TMEM62: variants seen among roughly 807,000 people sequenced by gnomAD.
TMEM62 encodes transmembrane protein 62.
Under a neutral mutation model 70.4 loss-of-function variants are expected in TMEM62, and 41 were observed. That is an observed-to-expected ratio of 0.58 (90% CI 0.45 to 0.76). The LOEUF is 0.76. Ranked by LOEUF, TMEM62 falls within the 30% of genes least tolerant of loss-of-function variation. The probability of loss-of-function intolerance (pLI) is 0.00; values close to 1 mark genes in which losing one functional copy is unlikely to be tolerated. For missense variants in TMEM62, 688 were observed against 788.5 expected (o/e 0.87, Z 1.53); for synonymous variants, 268 against 291.0 (o/e 0.92, Z 0.80).
At chr15:43,137,770 C>CCTTG in intron 3 of TMEM62, among the ~76,000 whole-genome samples, 1 of 152,366 alleles carries the variant, frequency 6.6e-6, no homozygotes, top group African/African-American at 2.4e-5. Flanking sequence ...TTGGCACAGG[C>CCTTG]CTTGCCATTG....
At position 43,137,312 on chromosome 15, in the gene TMEM62, G is replaced by A. The variant is rs190166306; in HGVS notation, c.431-1262G>A. The stretch of plus-strand genomic sequence containing the variant: ...TTAGAATCACATGATTAAGACAAGA[G>A]CAACTACAGTTCAATCTTATAATTT... On this transcript the variant is annotated intron_variant, in intron 3 of 13. Transcript: ENST00000260403. Among the ~76,000 whole-genome samples the A allele has an allele frequency of 3.9e-5, 6 of 152,304 alleles. No homozygotes were observed. The East Asian group carries it at 5.8e-4, about 15-fold the overall frequency.
At chr15:43,148,264 G>A (rs775534174) in intron 5 of TMEM62, among the ~76,000 whole-genome samples, 2 of 152,138 alleles carry the variant, frequency 1.3e-5, no homozygotes, top group African/African-American at 2.4e-5. Flanking sequence ...AGATCCATCC[G>A]TATGATTGTG....
At chr15:43,168,887 G>T (rs2039891684) in intron 10 of TMEM62, 1 of 152,336 alleles carries the variant, frequency 6.6e-6, no homozygotes, top group South Asian at 2.1e-4. Flanking sequence ...CTGGAACTCA[G>T]GTTCCTACCA....
At chr15:43,173,082 G>A (rs1048839397) in intron 11 of TMEM62, among the ~76,000 whole-genome samples, 1 of 152,134 alleles carries the variant, frequency 6.6e-6, no homozygotes, top group Non-Finnish European at 1.5e-5. Flanking sequence ...ACAAAAAATA[G>A]CCGGGTGTGG....
chr15:43,150,149 A>G (rs1157354937), intron 7 of TMEM62, among the ~76,000 whole-genome samples: 1 of 152,230 alleles, frequency 6.6e-6, no homozygotes, highest in African/African-American at 2.4e-5. Context: ...TTAATTAAAA[A>G]GGAACTTTAC....
intron 11 of TMEM62, among the ~76,000 whole-genome samples, chr15:43,176,297 T>G (rs1288625791): frequency 6.6e-6 from 1 of 152,174 alleles, no homozygotes; most frequent in East Asian, 1.9e-4. Flanking sequence ...TCTGAAGACT[T>G]AAATGTCCCT....
intron 3 of TMEM62, among the ~76,000 whole-genome samples, chr15:43,136,962 A>C (rs984122058): frequency 6.6e-6 from 1 of 152,034 alleles, no homozygotes; most frequent in Non-Finnish European, 1.5e-5. Context: ...TATGTTGCTT[A>C]GGCTGATCTC....
In TMEM62 at chr15:43,151,956, AT is replaced by A; in HGVS notation, c.1022+17del. On this transcript the variant is annotated intron_variant, in intron 8 of 13. Transcript: ENST00000260403. ...CTCAACACACATCAGGTATGTAGCAATTTTTTAGAATTTACTTTCAGTTTGA... is the reference window on the plus strand; with the variant it reads ...CTCAACACACATCAGGTATGTAGCAATTTTTAGAATTTACTTTCAGTTTGA... 6.3e-7 allele frequency: 1 copy of A among 1,576,824 alleles called. No homozygotes were observed. The highest frequency in any genetic ancestry group is 1.9e-5 in the Admixed American group (1 of 53,146).
intron 12 of TMEM62, chr15:43,180,895 T>G (rs999429670): frequency 4.2e-6 from 1 of 240,618 alleles, no homozygotes; most frequent in Non-Finnish European, 8.0e-6. Context: ...TGCAATGGAA[T>G]TTTCAAAAAT....
chr15:43,177,642 A>C (rs2040892192), intron 11 of TMEM62, among the ~76,000 whole-genome samples: 1 of 152,154 alleles, frequency 6.6e-6, no homozygotes, highest in South Asian at 2.1e-4. Context: ...AAAATGTGGC[A>C]CATATACACC....
chr15:43,162,340 T>C (rs2038819393), intron 10 of TMEM62, among the ~76,000 whole-genome samples: 1 of 149,832 alleles, frequency 6.7e-6, no homozygotes, highest in Admixed American at 6.7e-5. Context: ...GGTTTTGCCA[T>C]ATTGGCCAGG....
chr15:43,178,119 T>C (rs1004040386), intron 11 of TMEM62, among the ~76,000 whole-genome samples: 4 of 150,972 alleles, frequency 2.6e-5, no homozygotes, highest in African/African-American at 9.9e-5. Context: ...TTTTGAAGTA[T>C]TTTGATATAC....
At chr15:43,163,562 C>A (rs2039014453) in intron 10 of TMEM62, among the ~76,000 whole-genome samples, 1 of 151,834 alleles carries the variant, frequency 6.6e-6, no homozygotes, top group Non-Finnish European at 1.5e-5. Flanking sequence ...GCGGGCGGAT[C>A]ACGAGGTCAG....
chr15:43,161,571 A>G (rs1036059928), intron 10 of TMEM62, among the ~76,000 whole-genome samples: 1 of 152,190 alleles, frequency 6.6e-6, no homozygotes, highest in Non-Finnish European at 1.5e-5. Flanking sequence ...TGTATTTGTC[A>G]TTATGATACT....
At chr15:43,148,485 T>A (rs966650833) in intron 5 of TMEM62, among the ~76,000 whole-genome samples, 1 of 152,240 alleles carries the variant, frequency 6.6e-6, no homozygotes, top group Admixed American at 6.5e-5. Context: ...AGATTAGTGA[T>A]GACTTCATTT....
intron 10 of TMEM62, among the ~76,000 whole-genome samples, chr15:43,165,637 G>A (rs1596310619): frequency 6.6e-6 from 1 of 152,110 alleles, no homozygotes; most frequent in East Asian, 1.9e-4. Context: ...GGAGGCTGAG[G>A]CAGGAGAATG....
intron 10 of TMEM62, among the ~76,000 whole-genome samples, chr15:43,165,658 A>G (rs890560302): frequency 2.2e-4 from 34 of 151,694 alleles, no homozygotes; most frequent in African/African-American, 7.5e-4. Flanking sequence ...GCATGAACCC[A>G]GGAGGCGGAG....
rs147481999 is a variant in TMEM62, at chr15:43,152,098, G to T, written c.1022+153G>T. 5.3e-3 allele frequency among the ~76,000 whole-genome samples: 804 copies of T among 152,186 alleles called. 4 individuals carry two copies. The highest frequency in any genetic ancestry group is 8.5e-3 in the Non-Finnish European group (580 of 67,984). On this transcript the variant is annotated intron_variant, in intron 8 of 13. Transcript: ENST00000260403. ...ATAAAGATAGATTGCTTACTGTTTT[G>T]TTTCCATTAAGTTAAAAAGCATATC...
chr15:43,133,674 G>A lies in TMEM62; in HGVS notation c.-129G>A, dbSNP rs1160192622. ...AGTGTCTGGCTCCAGCCCCGCATCC[G>A]GCGCCGGCCCCGCATCCAGCTCTGG... On this transcript the variant is annotated 5_prime_UTR_variant, in exon 1 of 14. Transcript: ENST00000260403. The A allele has an allele frequency of 2.0e-5, 13 of 652,764 alleles. No homozygotes were observed. Among genetic ancestry groups the A allele is most frequent in the Non-Finnish European group, 2.8e-5 (13 of 459,096 alleles). 40.4% of individuals were successfully genotyped at this position (652,764 alleles called of 1,614,324 possible).
Sources: allele counts gnomAD v4.1 joint callset (sites outside exome capture counted in the v4.1 genomes callset), GRCh38; gene constraint gnomAD v4.1.1; transcripts MANE v1.5; gene names NCBI Gene and HGNC (gene_info 2026-07-23, HGNC 2026-07-21).